The following CDH4 variants were observed in gnomAD, a reference collection of about 807,000 sequenced individuals.
CDH4 encodes cadherin-4.
A neutral mutation model predicts 86.0 loss-of-function variants in CDH4; 33 were observed. That is an observed-to-expected ratio of 0.38 (90% CI 0.29 to 0.51). CDH4 has a LOEUF of 0.51. Ranked by LOEUF, CDH4 falls within the 20% of genes least tolerant of loss-of-function variation. The probability of loss-of-function intolerance (pLI) is 0.86; values close to 1 mark genes in which losing one functional copy is unlikely to be tolerated. For missense variants in CDH4, 1,114 were observed against 1,307.4 expected (o/e 0.85, Z 2.28); for synonymous variants, 555 against 549.4 (o/e 1.01, Z -0.14).
intron 2 of CDH4, among the ~76,000 whole-genome samples, chr20:61,625,424 C>T (rs998153749): frequency 1.3e-5 from 2 of 151,990 alleles, no homozygotes; most frequent in African/African-American, 2.4e-5. Flanking sequence ...GGATGTGAGG[C>T]GTCCACAGTT....
In CDH4 at chr20:61,480,252, G is replaced by A. The variant is rs2085561403; in HGVS notation, c.169+225315G>A. ...GAGGACCCCAGGCTCCCCCTCTCGTGGTAGCCTGGAAACTCCCCAAGCGGA... is the reference window on the plus strand; with the variant it reads ...GAGGACCCCAGGCTCCCCCTCTCGTAGTAGCCTGGAAACTCCCCAAGCGGA... On this transcript the variant is annotated intron_variant, in intron 2 of 15. Coordinates refer to ENST00000614565, the MANE Select transcript of CDH4 (RefSeq NM_001794.5). The surrounding 1 kb of genome is among the most constrained non-coding windows in gnomAD (Gnocchi z 5.2). Among the ~76,000 whole-genome samples the A allele has an allele frequency of 1.3e-5, 2 of 152,066 alleles. No homozygotes were observed. The highest frequency in any genetic ancestry group is 2.1e-4 in the South Asian group (1 of 4,816).
intron 2 of CDH4, among the ~76,000 whole-genome samples, chr20:61,276,775 G>A (rs2123154523): frequency 6.6e-6 from 1 of 152,306 alleles, no homozygotes; most frequent in African/African-American, 2.4e-5. Flanking sequence ...GCAGAGGGAG[G>A]CACAGGAGCC....
chr20:61,584,380 A>G (rs1195067520), intron 2 of CDH4, among the ~76,000 whole-genome samples: 1 of 152,092 alleles, frequency 6.6e-6, no homozygotes, highest in African/African-American at 2.4e-5. Context: ...AGACAACCTC[A>G]CAAACTAGAA....
chr20:61,458,149 C>A (rs1326920278), intron 2 of CDH4, among the ~76,000 whole-genome samples: 1 of 140,296 alleles, frequency 7.1e-6, no homozygotes, highest in Admixed American at 7.1e-5. Flanking sequence ...TGGTTATGGT[C>A]ATGATGTTGA....
chr20:61,485,021 G>A (rs760586160), intron 2 of CDH4, among the ~76,000 whole-genome samples: 1 of 152,106 alleles, frequency 6.6e-6, no homozygotes, highest in Non-Finnish European at 1.5e-5. Context: ...TATGGTCACC[G>A]GCTGCCTGGT....
intron 2 of CDH4, chr20:61,719,008 C>T (rs1332576422): frequency 4.2e-6 from 2 of 471,164 alleles, no homozygotes; most frequent in Non-Finnish European, 8.8e-6. Context: ...CACTCAGCAT[C>T]ACGAGTGGCT....
At position 61,829,855 on chromosome 20, in the gene CDH4, T is replaced by G. The variant is rs1981510801; in HGVS notation, c.577-14813T>G. Among the ~76,000 whole-genome samples, 1 of 151,940 alleles carries G rather than the reference T, an allele frequency of 6.6e-6. No homozygotes were observed. The highest frequency in any genetic ancestry group is 1.5e-5 in the Non-Finnish European group (1 of 67,942). ...CCTTGGACCAGGGGCAAAGCTCATT[T>G]CCCTCATCCCTCCCGCCCCTAGCCT... On this transcript the variant is annotated intron_variant, in intron 4 of 15. Coordinates refer to ENST00000614565, the MANE Select transcript of CDH4 (RefSeq NM_001794.5). The surrounding 1 kb of genome is among the most constrained non-coding windows in gnomAD (Gnocchi z 4.2).
At chr20:61,253,283 C>T (rs1028787092) in intron 1 of CDH4, among the ~76,000 whole-genome samples, 1 of 150,884 alleles carries the variant, frequency 6.6e-6, no homozygotes, top group Admixed American at 6.6e-5. Flanking sequence ...GGGAGGGCGC[C>T]CCGGGAGGGC....
At chr20:61,379,661 G>A (rs1199663059) in intron 2 of CDH4, among the ~76,000 whole-genome samples, 1 of 152,110 alleles carries the variant, frequency 6.6e-6, no homozygotes, top group African/African-American at 2.4e-5. Flanking sequence ...TTACTGAAAT[G>A]CTTCATTTAA....
chr20:61,458,531 A>T (rs2145555898), intron 2 of CDH4, among the ~76,000 whole-genome samples: 1 of 152,080 alleles, frequency 6.6e-6, no homozygotes, highest in African/African-American at 2.4e-5. Flanking sequence ...GACAGTGCTG[A>T]CACTGGTGGT....
intron 4 of CDH4, among the ~76,000 whole-genome samples, chr20:61,783,174 A>C (rs748539132): frequency 6.6e-6 from 1 of 152,222 alleles, no homozygotes; most frequent in African/African-American, 2.4e-5. Flanking sequence ...TGAGTTTTGG[A>C]TGTGCCCATC....
intron 2 of CDH4, among the ~76,000 whole-genome samples, chr20:61,387,710 A>G (rs6121685): frequency 0.25 from 37,754 of 152,126 alleles, 5,053 homozygotes; most frequent in African/African-American, 0.34. Context: ...TCGTGGCTCA[A>G]TCTTGTCATT....
chr20:61,640,452 C>T (rs557960853), intron 2 of CDH4, among the ~76,000 whole-genome samples: 1 of 152,296 alleles, frequency 6.6e-6, no homozygotes, highest in African/African-American at 2.4e-5. Context: ...AACCACCCAG[C>T]CCTGTGCTGG....
At chr20:61,350,731 C>G (rs1340295799) in intron 2 of CDH4, among the ~76,000 whole-genome samples, 1 of 152,182 alleles carries the variant, frequency 6.6e-6, no homozygotes. Flanking sequence ...CCAGTGCTAA[C>G]TGCGCCCTCA....
At chr20:61,741,044 A>T (rs1310154028) in intron 2 of CDH4, among the ~76,000 whole-genome samples, 1 of 152,190 alleles carries the variant, frequency 6.6e-6, no homozygotes, top group Non-Finnish European at 1.5e-5. Context: ...AACCCTGTCT[A>T]CTAAACATAC....
At position 61,252,488 on chromosome 20, in the gene CDH4, C is replaced by A. The variant is rs1259327513; in HGVS notation, c.-26C>A. The A allele has an allele frequency of 8.8e-6, 10 of 1,137,376 alleles. No homozygotes were observed. Among genetic ancestry groups the A allele is most frequent in the African/African-American group, 1.7e-5 (1 of 59,188 alleles). 70.5% of individuals were successfully genotyped at this position (1,137,376 alleles called of 1,614,324 possible). A position where few individuals can be genotyped will look rare whatever the true frequency, so the allele number is the denominator to read the frequency against. ...GCGGCAGGGAGCGGGCTCCCGGTGC[C>A]GGGCACCGGGCGGGCGGCGGGGAAG... On this transcript the variant is annotated 5_prime_UTR_variant, in exon 1 of 16. Transcript: ENST00000614565. The surrounding 1 kb of genome is among the most constrained non-coding windows in gnomAD (Gnocchi z 4.4).
In CDH4 at chr20:61,417,838, ACTGTGGTC is replaced by A. The variant is rs2085155509; in HGVS notation, c.169+162905_169+162912del. ...GCCGCCAGAGACTGCACTTCAGTGT[ACTGTGGTC>A]CTGGGCCAAGGGGCCAGGCCAGGAG... On this transcript the variant is annotated intron_variant, in intron 2 of 15. Transcript: ENST00000614565. This position sits in a 1 kb window ranked among gnomAD's most constrained non-coding sequence, Gnocchi z 4.0. Among the ~76,000 whole-genome samples the A allele has an allele frequency of 6.6e-6, 1 of 152,070 alleles. No homozygotes were observed. Among genetic ancestry groups the A allele is most frequent in the South Asian group, 2.1e-4 (1 of 4,822 alleles).
At chr20:61,762,247 T>C (rs1422145667) in intron 3 of CDH4, among the ~76,000 whole-genome samples, 1 of 152,214 alleles carries the variant, frequency 6.6e-6, no homozygotes, top group Non-Finnish European at 1.5e-5. Context: ...GGAAACAGAA[T>C]GAAATCCACA....
intron 2 of CDH4, among the ~76,000 whole-genome samples, chr20:61,458,474 GGTA>G (rs1361371685): frequency 4.0e-5 from 6 of 151,234 alleles, no homozygotes; most frequent in East Asian, 3.9e-4. Context: ...TGCTGACACT[GGTA>G]GTGGTGGTGG....
Sources: allele counts gnomAD v4.1 joint callset (sites outside exome capture counted in the v4.1 genomes callset), GRCh38; gene constraint gnomAD v4.1.1; non-coding constraint Gnocchi (gnomAD v3.1); transcripts MANE v1.5; gene names NCBI Gene and HGNC (gene_info 2026-07-23, HGNC 2026-07-21).